The following UBE2Q2 variants were observed in gnomAD, a reference collection of about 807,000 sequenced individuals.
UBE2Q2 encodes the protein ubiquitin conjugating enzyme E2 Q2, also known as ubiquitin-conjugating enzyme E2 Q2.
UBE2Q2 carries 54 observed loss-of-function variants against 59.9 expected under a neutral mutation model. That is an observed-to-expected ratio of 0.90 (90% CI 0.72 to 1.13). The LOEUF is 1.13. UBE2Q2 is among the 50% of genes most tolerant of loss of function. The probability of loss-of-function intolerance (pLI) is 0.00; values close to 1 mark genes in which losing one functional copy is unlikely to be tolerated. For missense variants in UBE2Q2, 433 were observed against 441.9 expected (o/e 0.98, Z 0.18); for synonymous variants, 165 against 155.2 (o/e 1.06, Z -0.47).
chr15:75,848,833 C>T (rs1896492156), intron 1 of UBE2Q2, among the ~76,000 whole-genome samples: 1 of 152,056 alleles, frequency 6.6e-6, no homozygotes, highest in African/African-American at 2.4e-5. Flanking sequence ...TTTCCAGATC[C>T]TTTGTAACAG....
At chr15:75,876,388 C>A in intron 6 of UBE2Q2, 117 bp downstream of exon 6, 2 of 907,654 alleles carry the variant, frequency 2.2e-6, no homozygotes, top group Non-Finnish European at 1.6e-6. Flanking sequence ...AGCTTTATTT[C>A]AGGAATGTGA....
At chr15:75,869,387 G>A (rs1431812857) in intron 4 of UBE2Q2, among the ~76,000 whole-genome samples, 1 of 152,192 alleles carries the variant, frequency 6.6e-6, no homozygotes, top group Admixed American at 6.5e-5. Context: ...GGGACTACTC[G>A]CCAGAAGTAG....
At chr15:75,885,766 C>T (rs1199122752) in intron 9 of UBE2Q2, among the ~76,000 whole-genome samples, 1 of 152,174 alleles carries the variant, frequency 6.6e-6, no homozygotes. Context: ...GTGGAAATCC[C>T]AGGTTGGGTG....
chr15:75,879,977 T>A (rs142886396), intron 8 of UBE2Q2, among the ~76,000 whole-genome samples: 1 of 152,204 alleles, frequency 6.6e-6, no homozygotes, highest in Non-Finnish European at 1.5e-5. Context: ...GCTTCTTGGA[T>A]ACTGGCTGGA....
intron 3 of UBE2Q2, among the ~76,000 whole-genome samples, chr15:75,863,834 G>T (rs2141587522): frequency 1.3e-5 from 2 of 152,134 alleles, no homozygotes; most frequent in Middle Eastern, 3.4e-3. Flanking sequence ...TAGTAGAGGG[G>T]TTTCACCATG....
intron 12 of UBE2Q2, among the ~76,000 whole-genome samples, chr15:75,899,157 TC>T (rs1251817694): frequency 2.0e-5 from 3 of 148,568 alleles, no homozygotes; most frequent in African/African-American, 7.4e-5. Context: ...ATGCCTATAA[TC>T]CCAGCTACTT....
chr15:75,883,263 T>A (rs1466383373), intron 8 of UBE2Q2, 103 bp from the exon 9 acceptor site: 1 of 1,071,072 alleles, frequency 9.3e-7, no homozygotes. Context: ...CATTATCTGA[T>A]AATAAATGTA....
At chr15:75,883,740 C>T (rs1898589622) in intron 9 of UBE2Q2, among the ~76,000 whole-genome samples, 1 of 152,030 alleles carries the variant, frequency 6.6e-6, no homozygotes, top group Non-Finnish European at 1.5e-5. Flanking sequence ...GAAGTTGATG[C>T]TGTTGTTCTG....
intron 9 of UBE2Q2, 72 bp downstream of exon 9, chr15:75,883,496 C>A: frequency 9.1e-7 from 1 of 1,099,642 alleles, no homozygotes; most frequent in Non-Finnish European, 1.4e-6. Flanking sequence ...GGGACGAGAT[C>A]TCACTATGTT....
chr15:75,846,993 A>G (rs752351077), intron 1 of UBE2Q2, among the ~76,000 whole-genome samples: 21 of 152,274 alleles, frequency 1.4e-4, no homozygotes, highest in Non-Finnish European at 2.2e-4. Flanking sequence ...CCATCCGTCA[A>G]GGCTCTTCTG....
At chr15:75,852,977 G>GT in intron 1 of UBE2Q2, among the ~76,000 whole-genome samples, 1 of 152,310 alleles carries the variant, frequency 6.6e-6, no homozygotes, top group South Asian at 2.1e-4. Context: ...TCAAAGCAGT[G>GT]TTTCCTAAAA....
intron 12 of UBE2Q2, among the ~76,000 whole-genome samples, chr15:75,898,701 G>T (rs1595904776): frequency 1.3e-5 from 2 of 152,194 alleles, no homozygotes; most frequent in Non-Finnish European, 2.9e-5. Flanking sequence ...TTATGGCTCC[G>T]ATAACAGTCC....
At chr15:75,889,321 T>TG (rs1481882516) in intron 9 of UBE2Q2, among the ~76,000 whole-genome samples, 1 of 152,184 alleles carries the variant, frequency 6.6e-6, no homozygotes, top group African/African-American at 2.4e-5. Context: ...GAGAGACACT[T>TG]GCTTGGATTC....
intron 5 of UBE2Q2, 67 bp downstream of exon 5, chr15:75,873,635 A>G (rs1322862996): frequency 1.3e-6 from 2 of 1,503,526 alleles, no homozygotes; most frequent in Non-Finnish European, 1.8e-6. Flanking sequence ...ATACCAGGCA[A>G]TTCATTAACA....
chr15:75,873,340 A>G (rs1897894498), intron 4 of UBE2Q2, 88 bp from the exon 5 acceptor site: 4 of 1,312,848 alleles, frequency 3.0e-6, no homozygotes, highest in Non-Finnish European at 4.2e-6. Context: ...TCCTCATTTG[A>G]GTCAAGAATA....
chr15:75,846,694 G>C (rs1048167337), intron 1 of UBE2Q2, among the ~76,000 whole-genome samples: 2 of 152,164 alleles, frequency 1.3e-5, no homozygotes, highest in Non-Finnish European at 2.9e-5. Context: ...AAGGTAATGA[G>C]TTTGACTTAT....
At chr15:75,856,245 A>ATATGTGTGTG (rs1896896975) in intron 2 of UBE2Q2, among the ~76,000 whole-genome samples, 1 of 105,188 alleles carries the variant, frequency 9.5e-6, no homozygotes, top group African/African-American at 5.2e-5. Context: ...ATGTGTATAT[A>ATATGTGTGTG]CGTGTGTGTG....
At chr15:75,881,421 G>T (rs1360095477) in intron 8 of UBE2Q2, among the ~76,000 whole-genome samples, 1 of 152,046 alleles carries the variant, frequency 6.6e-6, no homozygotes, top group Non-Finnish European at 1.5e-5. Context: ...GATCTGGGAG[G>T]TAAATGGCTG....
At chr15:75,856,530 G>A (rs950678496) in intron 2 of UBE2Q2, among the ~76,000 whole-genome samples, 1 of 152,138 alleles carries the variant, frequency 6.6e-6, no homozygotes, top group Non-Finnish European at 1.5e-5. Context: ...AACTTAATAA[G>A]GAAAGGCTAG....
Sources: gnomAD v4.1 joint callset for allele counts (sites outside exome capture counted in the v4.1 genomes callset) on GRCh38, gnomAD v4.1.1 for gene constraint, MANE v1.5 for transcripts, NCBI Gene and HGNC (gene_info 2026-07-23, HGNC 2026-07-21) for gene names.